Variants in ATP6V1B1 observed in about 807,000 individuals in gnomAD.
ATP6V1B1 encodes the protein ATPase H+ transporting V1 subunit B1, also known as V-type proton ATPase subunit B, kidney isoform.
Under a neutral mutation model 62.1 loss-of-function variants are expected in ATP6V1B1, and 41 were observed. The ratio of observed to expected loss-of-function variants is 0.66; its 90% CI spans 0.51 to 0.86. ATP6V1B1 has a LOEUF of 0.86. Ranked by LOEUF, ATP6V1B1 falls within the 40% of genes least tolerant of loss-of-function variation. ATP6V1B1 has a pLI of 0.00. For synonymous variants in ATP6V1B1, 253 were observed against 273.4 expected (o/e 0.93, Z 0.74); for missense variants, 651 against 697.5 (o/e 0.93, Z 0.75).
At position 70,962,786 on chromosome 2, in the gene ATP6V1B1, GATC is replaced by G; in HGVS notation, c.800_802del (p.Ile267del). ...CTGGCTACACCTCCAGGATCGAGCG[GATC>G]ATCACCCCGCGCCTGGCGCTGACCA... On this transcript the variant is annotated inframe_deletion, in exon 9 of 14. Coordinates refer to ENST00000234396, the MANE Select transcript of ATP6V1B1 (RefSeq NM_001692.4). 1 of 1,613,956 alleles carries G rather than the reference GATC, an allele frequency of 6.2e-7. No individual in the cohort carries two copies. The highest frequency in any genetic ancestry group is 8.5e-7 in the Non-Finnish European group (1 of 1,180,022).
intron 7 of ATP6V1B1, 145 bp from the exon 8 acceptor site, chr2:70,961,451 G>A (rs1680585976): frequency 2.4e-6 from 2 of 820,946 alleles, no homozygotes; most frequent in African/African-American, 3.4e-5. Context: ...TCCAGCCCCG[G>A]GGTCACCCCA....
chr2:70,936,246 C>T (rs142836791), intron 1 of ATP6V1B1, among the ~76,000 whole-genome samples, 174 bp downstream of exon 1: 9 of 152,218 alleles, frequency 5.9e-5, no homozygotes, highest in Non-Finnish European at 1.0e-4. Flanking sequence ...GGACCAGAGG[C>T]CACCTCTGCA....
Position 70,959,041 on chromosome 2 carries a change from A to G in ATP6V1B1, c.391A>G (p.Lys131Glu). The change falls in exon 5 of 14, where the codon AAG (lysine) becomes GAG (glutamate). Residue 131 changes from lysine to glutamate, a missense_variant. By Grantham distance (56) the Lys-to-Glu change is moderately conservative (BLOSUM62 1). Transcript: ENST00000234396. The surrounding 1 kb of genome is among the most constrained non-coding windows in gnomAD (Gnocchi z 4.2). ...AGGTCGGGTTTTCAATGGCTCCGGCAAGCCCATTGACAAGGGGCCAGTGGT... is the reference window on the plus strand; with the variant it reads ...AGGTCGGGTTTTCAATGGCTCCGGCGAGCCCATTGACAAGGGGCCAGTGGT... The part of the protein sequence containing the change: ...MLGRVFNGSG[K>E]PIDKGPVVMA... 6.2e-7 allele frequency: 1 copy of G among 1,614,124 alleles called. No individual in the cohort carries two copies. Among genetic ancestry groups the G allele is most frequent in the Non-Finnish European group, 8.5e-7 (1 of 1,180,006 alleles).
intron 4 of ATP6V1B1, 123 bp from the exon 5 acceptor site, chr2:70,958,895 G>A: frequency 1.1e-6 from 1 of 912,472 alleles, no homozygotes; most frequent in Non-Finnish European, 1.8e-6. Context: ...GGCTGCCGGG[G>A]AGGGGGATAC....
chr2:70,943,320 G>A, intron 1 of ATP6V1B1: 2 of 511,778 alleles, frequency 3.9e-6, no homozygotes, highest in Non-Finnish European at 7.2e-6. Flanking sequence ...CTTGGAGTGA[G>A]AGAGGAGGGA....
chr2:70,958,378 G>A lies in ATP6V1B1; in HGVS notation c.319G>A (p.Glu107Lys), dbSNP rs370511629. 1.0e-4 allele frequency: 161 copies of A among 1,576,090 alleles called. No homozygotes were observed. Among genetic ancestry groups the A allele is most frequent in the Non-Finnish European group, 1.3e-4 (152 of 1,156,130 alleles). ...GATCGATGCCAGGAAGACCACTTGC[G>A]AATTTACAGGGGACATCCTACGAAC... is the stretch of plus-strand genomic sequence containing the variant. ...SGIDARKTTCEFTGDILRTPV... is the reference protein window; with the variant it reads ...SGIDARKTTCKFTGDILRTPV... The change falls in exon 4 of 14, where the codon GAA becomes AAA. Residue 107 changes from glutamate (E) to lysine (K), a missense_variant. By Grantham distance (56) the Glu-to-Lys change is moderately conservative. Transcript: ENST00000234396.
Position 70,938,686 on chromosome 2 carries a change from C to T in ATP6V1B1, c.118+2614C>T, listed in dbSNP as rs150349277. ...CATCTACCTTGGGAAAGAAGGGTCCCCTGTGCCTCCCGTGGAGCTAGAATG... is the reference window on the plus strand; with the variant it reads ...CATCTACCTTGGGAAAGAAGGGTCCTCTGTGCCTCCCGTGGAGCTAGAATG... On this transcript the variant is annotated intron_variant, in intron 1 of 13. Transcript: ENST00000234396. 451 of 985,394 alleles carry T rather than the reference C, an allele frequency of 4.6e-4. 17 individuals are homozygous for T. In the East Asian group the frequency reaches 0.041, roughly 90 times the overall value. The allele number at this position is 985,394 out of a possible 1,614,324, so 61.0% of individuals were successfully genotyped here. A position where few individuals can be genotyped will look rare whatever the true frequency, so the allele number is the denominator to read the frequency against.
rs1166506842 is a variant in ATP6V1B1, at chr2:70,959,406, G to A, written c.445+311G>A. Among the ~76,000 whole-genome samples the A allele has an allele frequency of 6.6e-6, 1 of 152,212 alleles. No homozygotes were observed. Among genetic ancestry groups the A allele is most frequent in the African/African-American group, 2.4e-5 (1 of 41,450 alleles). ...TGCCGGCTCTCGTCCATTCAAGTGGGCACCTTCCCCAGGCCTCAAACCCTA... is the reference window on the plus strand; with the variant it reads ...TGCCGGCTCTCGTCCATTCAAGTGGACACCTTCCCCAGGCCTCAAACCCTA... On this transcript the variant is annotated intron_variant, in intron 5 of 13. Coordinates refer to ENST00000234396, the MANE Select transcript of ATP6V1B1 (RefSeq NM_001692.4). This position sits in a 1 kb window ranked among gnomAD's most constrained non-coding sequence, Gnocchi z 4.2.
intron 2 of ATP6V1B1, 51 bp downstream of exon 2, chr2:70,943,764 C>T (rs1010454923): frequency 5.6e-6 from 9 of 1,603,500 alleles, no homozygotes; most frequent in Non-Finnish European, 7.7e-6. Flanking sequence ...CCCAGGGCGC[C>T]TCTCCCCTGC....
At chr2:70,955,113 G>A (rs1178382574) in intron 2 of ATP6V1B1, among the ~76,000 whole-genome samples, 1 of 152,174 alleles carries the variant, frequency 6.6e-6, no homozygotes, top group Non-Finnish European at 1.5e-5. Flanking sequence ...CTGCCCATGT[G>A]CTGCCTGTGG....
rs781842994 is a variant in ATP6V1B1 at position 70,965,057 on chromosome 2, T to C, written c.1478T>C (p.Val493Ala). 9 of 1,613,382 alleles carry C rather than the reference T, an allele frequency of 5.6e-6. No individual in the cohort carries two copies. The highest frequency in any genetic ancestry group is 7.6e-6 in the Non-Finnish European group (9 of 1,180,038). The change falls in exon 14 of 14, where the codon GTG becomes GCG. Residue 493 changes from valine to alanine, a missense_variant. Physicochemically the swap from Val to Ala is moderately conservative, Grantham distance 64. Transcript: ENST00000234396. Reference protein sequence around the residue: ...KEMLKRIPQAVIDEFYSREGA... With the variant: ...KEMLKRIPQAAIDEFYSREGA... ...ATGCTGAAGCGCATTCCGCAGGCCG[T>C]GATCGACGAGTTCTATTCCCGCGAG...
rs373239487 is a variant in ATP6V1B1, at chr2:70,958,324, T to C, written c.274-9T>C. On this transcript the variant is annotated splice_polypyrimidine_tract_variant and intron_variant, in intron 3 of 13. Transcript: ENST00000234396. ...CCCTTAGTGGAGAAACTCCCTCTTG[T>C]TCCCACAGGTGTTTGAAGGGACATC... 1.2e-6 allele frequency: 2 copies of C among 1,613,914 alleles called. No homozygotes were observed. Among genetic ancestry groups the C allele is most frequent in the Non-Finnish European group, 1.7e-6 (2 of 1,179,902 alleles).
intron 1 of ATP6V1B1, chr2:70,941,251 A>C: frequency 2.0e-6 from 2 of 980,442 alleles, no homozygotes; most frequent in Non-Finnish European, 2.4e-6. Flanking sequence ...TATTCCCAGC[A>C]CTATTCCATG....
At chr2:70,949,158 G>A (rs78019402) in intron 2 of ATP6V1B1, among the ~76,000 whole-genome samples, 1,930 of 152,252 alleles carry the variant, frequency 0.013, 21 homozygotes, top group Middle Eastern at 0.024. Context: ...TGCTGAATAC[G>A]CTCAAACACA....
chr2:70,949,038 T>G (rs1680259724), intron 2 of ATP6V1B1, among the ~76,000 whole-genome samples: 1 of 149,514 alleles, frequency 6.7e-6, no homozygotes, highest in African/African-American at 2.5e-5. Flanking sequence ...ATGTATTATA[T>G]TTTAATTGCA....
At position 70,965,362 on chromosome 2, in the gene ATP6V1B1, G is replaced by C. The variant is rs879948243; in HGVS notation, c.*241G>C. ...ACTGAAGGTTGCGATGCCTTACTCTGACGGGAGCATCTGTATTTTTATGTT... is the reference window on the plus strand; with the variant it reads ...ACTGAAGGTTGCGATGCCTTACTCTCACGGGAGCATCTGTATTTTTATGTT... On this transcript the variant is annotated 3_prime_UTR_variant, in exon 14 of 14. Coordinates refer to ENST00000234396, the MANE Select transcript of ATP6V1B1 (RefSeq NM_001692.4). 1.7e-6 allele frequency: 1 copy of C among 593,036 alleles called. No individual in the cohort carries two copies. Among genetic ancestry groups the C allele is most frequent in the East Asian group, 2.8e-5 (1 of 35,126 alleles). 36.7% of individuals were successfully genotyped at this position (593,036 alleles called of 1,614,324 possible). A position where few individuals can be genotyped will look rare whatever the true frequency, so the allele number is the denominator to read the frequency against.
intron 2 of ATP6V1B1, chr2:70,944,217 A>G (rs1553416916): frequency 7.8e-7 from 1 of 1,289,306 alleles, no homozygotes; most frequent in Non-Finnish European, 1.0e-6. Flanking sequence ...TCTCAGTCTC[A>G]GCAACATGGG....
At chr2:70,964,595 A>C in intron 12 of ATP6V1B1, 53 bp downstream of exon 12, 1 of 1,610,282 alleles carries the variant, frequency 6.2e-7, no homozygotes, top group South Asian at 1.1e-5. Flanking sequence ...CCGAAGCTGA[A>C]GGCCTGAGCC....
In ATP6V1B1 at chr2:70,936,039, G is replaced by T. The variant is rs1553415284; in HGVS notation, c.85G>T (p.Val29Phe). ...LGAAREHMQA[V>F]TRNYITHPRV... ...TGCAGCCCGAGAACACATGCAGGCG[G>T]TCACCCGAAACTACATCACCCACCC... The change falls in exon 1 of 14, where the codon GTC (valine) becomes TTC (phenylalanine). Residue 29 changes from valine to phenylalanine, a missense_variant. Coordinates refer to ENST00000234396, the MANE Select transcript of ATP6V1B1 (RefSeq NM_001692.4). The T allele has an allele frequency of 6.2e-7, 1 of 1,614,080 alleles. No homozygotes were observed. The highest frequency in any genetic ancestry group is 1.1e-5 in the South Asian group (1 of 91,080).
Sources: allele counts gnomAD v4.1 joint callset (sites outside exome capture counted in the v4.1 genomes callset), GRCh38; gene constraint gnomAD v4.1.1; non-coding constraint Gnocchi (gnomAD v3.1); transcripts MANE v1.5; gene names NCBI Gene and HGNC (gene_info 2026-07-23, HGNC 2026-07-21).